The following AFF4 variants were observed in gnomAD, a reference collection of about 807,000 sequenced individuals.
AFF4 encodes the protein ALF transcription elongation factor 4.
A neutral mutation model predicts 124.8 loss-of-function variants in AFF4; 13 were observed. The observed-to-expected ratio is 0.10, with a 90% confidence interval of 0.07 to 0.17. The LOEUF is 0.17. Among genes scored for constraint, AFF4 ranks in the 10% least tolerant of loss-of-function variants. The pLI is 1.00. For synonymous variants in AFF4, 477 were observed against 496.1 expected, an observed-to-expected ratio of 0.96 and a Z score of 0.51; for missense variants, 1,092 against 1,403.8, an observed-to-expected ratio of 0.78 and a Z score of 3.55.
In AFF4 at chr5:132,875,640, GAT is replaced by G. The variant is rs539703850; in HGVS notation, c.*5417_*5418del. On this transcript the variant is annotated 3_prime_UTR_variant, in exon 21 of 21. Coordinates refer to ENST00000265343, the MANE Select transcript of AFF4 (RefSeq NM_014423.4). Reference sequence around the variant, plus strand: ...CAAAATACATATAATATACTATACAGATGTGGAAAAATCTAGTTAGTATATAA... The same window carrying G: ...CAAAATACATATAATATACTATACAGGTGGAAAAATCTAGTTAGTATATAA... The G allele has an allele frequency of 9.6e-5, 19 of 197,862 alleles. No individual in the cohort carries two copies. The highest frequency in any genetic ancestry group is 2.0e-4 in the Non-Finnish European group (19 of 95,410). 12.3% of individuals were successfully genotyped at this position (197,862 alleles called of 1,614,324 possible).
intron 4 of AFF4, 77 bp downstream of exon 4, chr5:132,932,101 C>T (rs973437352): frequency 8.7e-5 from 86 of 983,054 alleles, no homozygotes; most frequent in African/African-American, 2.0e-4. Flanking sequence ...TTGTGAAATA[C>T]AGGTAGAAAG....
rs375148631 is a variant in AFF4, at chr5:132,934,623, C to G, written c.442G>C (p.Gly148Arg). The G allele has an allele frequency of 6.2e-7, 1 of 1,614,096 alleles. No homozygotes were observed. Among genetic ancestry groups the G allele is most frequent in the Non-Finnish European group, 8.5e-7 (1 of 1,180,030 alleles). Reference sequence around the variant, plus strand: ...TATGACTCACGGTCGTGCCTCTGACCACTACTGTTAGTGCCACTACTGCTA... The same window carrying G: ...TATGACTCACGGTCGTGCCTCTGACGACTACTGTTAGTGCCACTACTGCTA... ...AGSSSGTNSSGQRHDRESYNN... is the reference protein window; with the variant it reads ...AGSSSGTNSSRQRHDRESYNN... Residue 148 changes from glycine (G) to arginine (R), a missense_variant, in exon 3 of 21, where the codon GGT (glycine) becomes CGT (arginine). Physicochemically the swap from Gly to Arg is moderately radical, Grantham distance 125. Coordinates refer to ENST00000265343, the MANE Select transcript of AFF4 (RefSeq NM_014423.4).
chr5:132,902,817 T>C (rs541780888), intron 6 of AFF4, among the ~76,000 whole-genome samples: 47 of 152,336 alleles, frequency 3.1e-4, no homozygotes, highest in South Asian at 1.0e-3. Flanking sequence ...TCTTGAGGAA[T>C]ACACGAACAC....
At chr5:132,899,556 G>T in intron 8 of AFF4, 31 bp downstream of exon 8, 1 of 1,575,610 alleles carries the variant, frequency 6.3e-7, no homozygotes, top group South Asian at 1.2e-5. Context: ...TACTATATGA[G>T]ACTGGCAAAA....
chr5:132,913,022 C>CA (rs774928986), intron 5 of AFF4, among the ~76,000 whole-genome samples: 2 of 152,074 alleles, frequency 1.3e-5, no homozygotes, highest in Non-Finnish European at 2.9e-5. Flanking sequence ...AAAAGCACAA[C>CA]AAAATCATAT....
In AFF4 at chr5:132,880,372, T is replaced by C. The variant is rs1417873250; in HGVS notation, c.*687A>G. 4 of 398,810 alleles carry C rather than the reference T, an allele frequency of 1.0e-5. No individual in the cohort carries two copies. The highest frequency in any genetic ancestry group is 4.1e-5 in the African/African-American group (2 of 48,646). 24.7% of individuals were successfully genotyped at this position (398,810 alleles called of 1,614,324 possible). ...TGTTATTAACACACATTCACAGTTT[T>C]TGAAATAATGCATACCAAATCAGAC... On this transcript the variant is annotated 3_prime_UTR_variant, in exon 21 of 21. Transcript: ENST00000265343.
At chr5:132,951,258 T>C (rs1221668734) in intron 1 of AFF4, among the ~76,000 whole-genome samples, 1 of 151,614 alleles carries the variant, frequency 6.6e-6, no homozygotes, top group East Asian at 1.9e-4. Flanking sequence ...GCCCCACATC[T>C]CTCTCCAGCC....
At position 132,934,237 on chromosome 5, in the gene AFF4, G is replaced by A; in HGVS notation, c.828C>T (p.Ser276=). The change falls in exon 3 of 21, where the codon AGC becomes AGT. Residue 276 remains serine (S), a synonymous_variant. Transcript: ENST00000265343. The part of the protein sequence containing the change: ...MEPKLSSEHY[S]SQSHGNSMTE... The stretch of plus-strand genomic sequence containing the variant: ...TCATGCTGTTGCCATGGGATTGGCT[G>A]CTGTAGTGCTCAGAGGACAGCTTTG... 6.2e-7 allele frequency: 1 copy of A among 1,614,198 alleles called. No individual in the cohort carries two copies. Among genetic ancestry groups the A allele is most frequent in the Non-Finnish European group, 8.5e-7 (1 of 1,180,030 alleles).
chr5:132,940,044 C>CA (rs1318409762), intron 1 of AFF4, among the ~76,000 whole-genome samples: 10 of 151,496 alleles, frequency 6.6e-5, no homozygotes, highest in African/African-American at 2.4e-4. Flanking sequence ...CTACAAAATA[C>CA]AAAAAAGTAG....
At chr5:132,918,717 A>G (rs1482229592) in intron 5 of AFF4, among the ~76,000 whole-genome samples, 2 of 152,160 alleles carry the variant, frequency 1.3e-5, no homozygotes, top group African/African-American at 2.4e-5. Context: ...ACAAAACAAT[A>G]CTGAAAGAAA....
chr5:132,962,009 C>G (rs1308957085), intron 1 of AFF4, among the ~76,000 whole-genome samples: 2 of 152,144 alleles, frequency 1.3e-5, no homozygotes, highest in Admixed American at 1.3e-4. Context: ...TTTAAAGAAG[C>G]CAGCTTTGTT....
chr5:132,889,714 C>A (rs1193227107), intron 13 of AFF4, among the ~76,000 whole-genome samples: 1 of 152,182 alleles, frequency 6.6e-6, no homozygotes, highest in Non-Finnish European at 1.5e-5. Context: ...AAATGGCATT[C>A]TTGGAATTTG....
intron 5 of AFF4, among the ~76,000 whole-genome samples, chr5:132,914,542 A>G (rs1291875483): frequency 2.0e-5 from 3 of 151,888 alleles, no homozygotes; most frequent in Non-Finnish European, 4.4e-5. Context: ...TGGAGGTTGC[A>G]GTGAGCCGAG....
At chr5:132,932,639 A>G (rs891634943) in intron 3 of AFF4, among the ~76,000 whole-genome samples, 1 of 152,212 alleles carries the variant, frequency 6.6e-6, no homozygotes, top group Non-Finnish European at 1.5e-5. Flanking sequence ...GAAAAATCGT[A>G]CCTTAGCGAT....
intron 1 of AFF4, among the ~76,000 whole-genome samples, chr5:132,942,460 CT>C (rs35994411): frequency 0.28 from 37,298 of 134,050 alleles, 5,253 homozygotes; most frequent in East Asian, 0.63. Flanking sequence ...TCCTTTTGAC[CT>C]TTTTTTTTTT....
chr5:132,934,245 G>A lies in AFF4; in HGVS notation c.820C>T (p.His274Tyr), dbSNP rs374450292. The part of the protein sequence containing the change: ...ESMEPKLSSE[H>Y]YSSQSHGNSM... ...TTGCCATGGGATTGGCTGCTGTAGT[G>A]CTCAGAGGACAGCTTTGGTTCCATG... The change falls in exon 3 of 21, where the codon CAC becomes TAC. Residue 274 changes from histidine to tyrosine, a missense_variant. His to Tyr is a moderately conservative substitution (Grantham distance 83). This residue lies in a region of AFF4 where 148 missense variants were observed against 196.3 expected (regional missense o/e 0.75). Coordinates refer to ENST00000265343, the MANE Select transcript of AFF4 (RefSeq NM_014423.4). 18 of 1,614,174 alleles carry A rather than the reference G, an allele frequency of 1.1e-5. No homozygotes were observed. The highest frequency in any genetic ancestry group is 1.5e-5 in the Non-Finnish European group (18 of 1,180,034).
At chr5:132,905,909 T>C (rs1186813590) in intron 5 of AFF4, among the ~76,000 whole-genome samples, 1 of 152,090 alleles carries the variant, frequency 6.6e-6, no homozygotes, top group African/African-American at 2.4e-5. Context: ...ATCCACAATA[T>C]ACTACAAAGA....
chr5:132,886,346 A>G lies in AFF4; in HGVS notation c.3063T>C (p.Ala1021=), dbSNP rs1760118823. ...CTGTCAGTGTCTTTGAGTACTTCAG[A>G]GCATTTTCCTTCTTCAGTTTGAACA... ...LRLFKLKKEN[A]LKYSKTLTEH... Residue 1021 remains alanine (A), a synonymous_variant, in exon 18 of 21, where the codon GCT becomes GCC. Coordinates refer to ENST00000265343, the MANE Select transcript of AFF4 (RefSeq NM_014423.4). 3 of 1,614,214 alleles carry G rather than the reference A, an allele frequency of 1.9e-6. No homozygotes were observed. The highest frequency in any genetic ancestry group is 2.5e-6 in the Non-Finnish European group (3 of 1,180,026).
intron 1 of AFF4, among the ~76,000 whole-genome samples, chr5:132,939,193 G>A (rs1483975685): frequency 6.9e-6 from 1 of 145,598 alleles, no homozygotes; most frequent in Non-Finnish European, 1.5e-5. Context: ...CTCCAGCCTG[G>A]GAGACAGAAC....
Sources: gnomAD v4.1 joint callset for allele counts (sites outside exome capture counted in the v4.1 genomes callset) on GRCh38, gnomAD v4.1.1 for gene constraint, gnomAD v4.1.1 regional missense constraint, MANE v1.5 for transcripts, NCBI Gene and HGNC (gene_info 2026-07-23, HGNC 2026-07-21) for gene names.